Variants in OSBPL10 observed in about 807,000 individuals in gnomAD.
The protein encoded by OSBPL10 is oxysterol binding protein like 10, also known as oxysterol-binding protein-related protein 10.
A neutral mutation model predicts 81.7 loss-of-function variants in OSBPL10; 49 were observed. That is an observed-to-expected ratio of 0.60 (90% CI 0.48 to 0.76). OSBPL10 has a LOEUF of 0.76. Ranked by LOEUF, OSBPL10 falls within the 30% of genes least tolerant of loss-of-function variation. The probability of loss-of-function intolerance (pLI) is 0.00; values close to 1 mark genes in which losing one functional copy is unlikely to be tolerated. For synonymous variants in OSBPL10, 419 were observed against 383.6 expected (o/e 1.09, Z -1.08); for missense variants, 923 against 987.8 (o/e 0.93, Z 0.88).
chr3:31,903,724 C>A (rs1426465757), intron 1 of OSBPL10, among the ~76,000 whole-genome samples: 1 of 152,140 alleles, frequency 6.6e-6, no homozygotes, highest in Admixed American at 6.5e-5. Context: ...GGAGCCCAGG[C>A]AATCTGTCCC....
chr3:31,885,824 AAT>A lies in OSBPL10; in HGVS notation c.282-5996_282-5995del, dbSNP rs562258025. Among the ~76,000 whole-genome samples, 203 of 109,538 alleles carry A rather than the reference AAT, an allele frequency of 1.9e-3. 1 individual carries two copies. The highest frequency in any genetic ancestry group is 8.2e-3 in the African/African-American group (192 of 23,288). The allele number at this position is 109,538 out of a possible 152,430, so 71.9% of individuals were successfully genotyped here. ...ATGGTGAAACCCCATCTCTACTAAAAATACAAAAAAAAAAAAAAAAATTAGCC... is the reference window on the plus strand; with the variant it reads ...ATGGTGAAACCCCATCTCTACTAAAAACAAAAAAAAAAAAAAAAATTAGCC... On this transcript the variant is annotated intron_variant, in intron 1 of 11. Transcript: ENST00000396556.
rs574645297 is a variant in OSBPL10 at position 32,016,285 on chromosome 3, T to C, written n.298+30206A>G. Among the ~76,000 whole-genome samples the C allele has an allele frequency of 9.8e-3, 1,495 of 152,300 alleles. 32 individuals are homozygous for C. Among genetic ancestry groups the C allele is most frequent in the African/African-American group, 0.034 (1,408 of 41,554 alleles). On this transcript the variant is annotated intron_variant and non_coding_transcript_variant, in intron 2 of 3. Coordinates refer to the OSBPL10 transcript ENST00000479173. ...GCAGCTATAAAAAATGATGAGTTCA[T>C]GTCCTTTGCAGGGACATGGATGAAG...
intron 3 of OSBPL10, among the ~76,000 whole-genome samples, chr3:31,852,559 G>A (rs571746264): frequency 1.0e-4 from 15 of 144,806 alleles, no homozygotes; most frequent in African/African-American, 2.3e-4. Flanking sequence ...CCTGTGGCAC[G>A]GAAGTTTTTT....
At chr3:31,716,370 C>T (rs541184098) in intron 6 of OSBPL10, among the ~76,000 whole-genome samples, 1 of 152,160 alleles carries the variant, frequency 6.6e-6, no homozygotes, top group Admixed American at 6.5e-5. Context: ...TATTGTACAA[C>T]AGATCTCTAG....
intron 2 of OSBPL10, among the ~76,000 whole-genome samples, chr3:32,042,624 G>A (rs995028613): frequency 2.0e-5 from 3 of 152,112 alleles, no homozygotes; most frequent in Admixed American, 1.3e-4. Context: ...GAGAAATAAA[G>A]AGAAAGTGTA....
chr3:31,957,251 G>A (rs1056830383), intron 1 of OSBPL10, among the ~76,000 whole-genome samples: 1 of 152,118 alleles, frequency 6.6e-6, no homozygotes, highest in Non-Finnish European at 1.5e-5. Flanking sequence ...AAATATTTTT[G>A]TTCTTTCCAA....
chr3:31,680,380 G>A (rs1388958771), intron 8 of OSBPL10, among the ~76,000 whole-genome samples: 1 of 152,102 alleles, frequency 6.6e-6, no homozygotes, highest in Non-Finnish European at 1.5e-5. Context: ...CTCAGATTCT[G>A]GTATCTCATC....
At chr3:31,779,712 T>C (rs770048148) in intron 4 of OSBPL10, among the ~76,000 whole-genome samples, 11 of 152,070 alleles carry the variant, frequency 7.2e-5, no homozygotes, top group Admixed American at 2.0e-4. Context: ...ACTTAGCAAA[T>C]ATTTACAGAA....
chr3:31,970,006 C>G (rs942808552), intron 1 of OSBPL10, among the ~76,000 whole-genome samples: 1 of 152,058 alleles, frequency 6.6e-6, no homozygotes, highest in African/African-American at 2.4e-5. Flanking sequence ...AGCCAAAGCC[C>G]TCAGTAATCT....
chr3:31,682,966 T>C (rs1700690724), intron 8 of OSBPL10, among the ~76,000 whole-genome samples: 1 of 152,120 alleles, frequency 6.6e-6, no homozygotes. Context: ...TCCTTTTTTC[T>C]AGGAAGAGAA....
chr3:31,833,014 C>A (rs1241574735), intron 3 of OSBPL10, among the ~76,000 whole-genome samples: 1 of 152,142 alleles, frequency 6.6e-6, no homozygotes, highest in African/African-American at 2.4e-5. Flanking sequence ...CTGGATTTGA[C>A]TTGGACATAA....
intron 2 of OSBPL10, among the ~76,000 whole-genome samples, chr3:32,029,329 A>C (rs1378977021): frequency 1.3e-5 from 2 of 151,858 alleles, no homozygotes; most frequent in Admixed American, 6.6e-5. Context: ...TTATTATTAT[A>C]CTCTAAGTTT....
chr3:31,946,823 A>G (rs1221137689), intron 1 of OSBPL10, among the ~76,000 whole-genome samples: 1 of 151,690 alleles, frequency 6.6e-6, no homozygotes, highest in Non-Finnish European at 1.5e-5. Flanking sequence ...GCTTTAGAAA[A>G]GTTACCATGG....
intron 3 of OSBPL10, among the ~76,000 whole-genome samples, chr3:31,864,886 A>G (rs946982821): frequency 1.1e-4 from 16 of 152,166 alleles, no homozygotes; most frequent in African/African-American, 3.6e-4. Flanking sequence ...TGTCTGCTCC[A>G]TAAATGGCTC....
chr3:32,006,320 G>T (rs1171186231), intron 2 of OSBPL10, among the ~76,000 whole-genome samples: 1 of 152,124 alleles, frequency 6.6e-6, no homozygotes, highest in Non-Finnish European at 1.5e-5. Context: ...TACACTTTGT[G>T]TATTTTTCTG....
In OSBPL10 at chr3:31,739,800, G is replaced by A. The variant is rs372247236; in HGVS notation, c.941-6389C>T. Among the ~76,000 whole-genome samples the A allele has an allele frequency of 1.4e-4, 22 of 152,332 alleles. No homozygotes were observed. In the South Asian group the frequency reaches 3.9e-3, roughly 27 times the overall value. ...CCAGTCTACAGTGTTTTATAATACT[G>A]TAGCAGCCCATGCTAAGACACTGTC... On this transcript the variant is annotated intron_variant, in intron 5 of 11. Coordinates refer to ENST00000396556, the MANE Select transcript of OSBPL10 (RefSeq NM_017784.5).
intron 6 of OSBPL10, among the ~76,000 whole-genome samples, chr3:31,728,274 GCTAA>G (rs1168080019): frequency 1.3e-5 from 2 of 152,200 alleles, no homozygotes; most frequent in African/African-American, 4.8e-5. Flanking sequence ...AGGCAAAGCT[GCTAA>G]CTGAGACAGT....
Position 31,668,839 on chromosome 3 carries a change from C to A in OSBPL10, c.1914-15G>T. ...CTGCGGTAACCCTGAATTAATGAGT[C>A]AAATGAGTACACACTTTTCAAAATG... On this transcript the variant is annotated splice_polypyrimidine_tract_variant and intron_variant, in intron 9 of 11. Coordinates refer to ENST00000396556, the MANE Select transcript of OSBPL10 (RefSeq NM_017784.5). 6.3e-7 allele frequency: 1 copy of A among 1,581,320 alleles called. No individual in the cohort carries two copies. The highest frequency in any genetic ancestry group is 1.2e-5 in the South Asian group (1 of 85,402).
chr3:31,999,741 C>A (rs1699127164), intron 2 of OSBPL10, among the ~76,000 whole-genome samples: 1 of 152,096 alleles, frequency 6.6e-6, no homozygotes, highest in African/African-American at 2.4e-5. Flanking sequence ...CTGCTATGCC[C>A]AGATGTCAGG....
Sources: allele counts gnomAD v4.1 joint callset (sites outside exome capture counted in the v4.1 genomes callset), GRCh38; gene constraint gnomAD v4.1.1; transcripts MANE v1.5; gene names NCBI Gene and HGNC (gene_info 2026-07-23, HGNC 2026-07-21).